The following SRGAP2B variants were observed in gnomAD, a reference collection of about 807,000 sequenced individuals.
SRGAP2B encodes SLIT-ROBO Rho GTPase activating protein 2B.
Under a neutral mutation model 22.2 loss-of-function variants are expected in SRGAP2B, and 9 were observed. The observed-to-expected ratio is 0.41, with a 90% CI of 0.24 to 0.71. The LOEUF (loss-of-function observed/expected upper bound fraction) is 0.71, where lower values mean the gene tolerates loss of function less well. Ranked by LOEUF, SRGAP2B falls within the 30% of genes least tolerant of loss-of-function variation. The pLI, the probability that SRGAP2B is intolerant of heterozygous loss-of-function variation, is 0.35. For synonymous variants in SRGAP2B, 36 were observed against 87.4 expected (o/e 0.41, Z 3.28); for missense variants, 114 against 235.8 (o/e 0.48, Z 3.38).
At chr1:145,068,128 G>A (rs1344465815) in intron 2 of SRGAP2B, among the ~76,000 whole-genome samples, 4 of 57,862 alleles carry the variant, frequency 6.9e-5, no homozygotes, top group Non-Finnish European at 1.0e-4. Context: ...GCTTGAACCC[G>A]GGAGGTGGAG....
chr1:144,912,093 G>A (rs1240287583), intron 5 of SRGAP2B, among the ~76,000 whole-genome samples: 1 of 148,700 alleles, frequency 6.7e-6, no homozygotes, highest in Non-Finnish European at 1.5e-5. Flanking sequence ...TGGGACTACA[G>A]GCACCCGCCA....
At chr1:145,010,794 G>A (rs1247219938) in intron 2 of SRGAP2B, among the ~76,000 whole-genome samples, 1 of 148,336 alleles carries the variant, frequency 6.7e-6, no homozygotes, top group Admixed American at 6.7e-5. Flanking sequence ...CTACCTGCCT[G>A]CCCTGTCTCA....
At chr1:144,971,063 A>T (rs2102012138) in intron 3 of SRGAP2B, among the ~76,000 whole-genome samples, 1 of 150,726 alleles carries the variant, frequency 6.6e-6, no homozygotes, top group South Asian at 2.1e-4. Flanking sequence ...TACATCTCAA[A>T]ATTCCTTTTA....
exon 10 of SRGAP2B, chr1:144,891,543 T>C (rs1662111867): frequency 2.2e-5 from 1 of 44,478 alleles, no homozygotes; most frequent in African/African-American, 1.1e-4. Context: ...AGACCAGTAG[T>C]GACTTCCAAA....
At chr1:145,007,414 G>A (rs1671679091) in intron 2 of SRGAP2B, among the ~76,000 whole-genome samples, 2 of 150,842 alleles carry the variant, frequency 1.3e-5, no homozygotes, top group Non-Finnish European at 2.9e-5. Context: ...ACCAAATTAA[G>A]AATCCTCATT....
In SRGAP2B at chr1:144,975,655, G is replaced by A. The variant is rs1450477239; in HGVS notation, c.260+19353C>T. On this transcript the variant is annotated intron_variant, in intron 3 of 9. Transcript: ENST00000612199. ...CTTATACTCTCAAGCCACCACAGTC[G>A]TGAGCCAAATAAGCTTCTTTTCTTT... Among the ~76,000 whole-genome samples the A allele has an allele frequency of 4.1e-5, 6 of 147,266 alleles. 1 individual carries two copies. Among genetic ancestry groups the A allele is most frequent in the African/African-American group, 1.3e-4 (5 of 38,088 alleles).
intron 2 of SRGAP2B, among the ~76,000 whole-genome samples, chr1:145,089,078 A>G (rs1210878296): frequency 1.3e-5 from 2 of 151,478 alleles, no homozygotes; most frequent in Non-Finnish European, 2.9e-5. Flanking sequence ...CATAGGTTAT[A>G]CGTAAATACC....
chr1:144,956,212 T>A (rs1553610269), intron 3 of SRGAP2B, among the ~76,000 whole-genome samples: 1 of 146,322 alleles, frequency 6.8e-6, no homozygotes, highest in African/African-American at 2.6e-5. Context: ...CACAAATGTA[T>A]CCATTGTAGG....
intron 3 of SRGAP2B, among the ~76,000 whole-genome samples, chr1:144,985,525 C>A (rs1368989753): frequency 6.6e-6 from 1 of 151,280 alleles, no homozygotes; most frequent in East Asian, 1.9e-4. Context: ...AAACAAACAG[C>A]CAATGCATTA....
At chr1:144,909,182 C>T (rs1663217700) in intron 5 of SRGAP2B, among the ~76,000 whole-genome samples, 1 of 150,340 alleles carries the variant, frequency 6.7e-6, no homozygotes, top group East Asian at 1.9e-4. Flanking sequence ...GAGTCCTAAA[C>T]CAAAACCAGA....
At chr1:144,913,664 ATG>A (rs1416231518) in intron 5 of SRGAP2B, among the ~76,000 whole-genome samples, 1 of 101,424 alleles carries the variant, frequency 9.9e-6, no homozygotes, top group Non-Finnish European at 1.9e-5. Context: ...CCATGACAAA[ATG>A]GCCACACCTA....
chr1:145,079,918 T>TA (rs1652773202), intron 2 of SRGAP2B, among the ~76,000 whole-genome samples: 1 of 149,856 alleles, frequency 6.7e-6, no homozygotes, highest in Non-Finnish European at 1.5e-5. Context: ...ATCAACCCTA[T>TA]ACCAGTTCCA....
intron 3 of SRGAP2B, among the ~76,000 whole-genome samples, chr1:144,972,618 C>G (rs1348299512): frequency 1.6e-5 from 2 of 128,682 alleles, no homozygotes; most frequent in Non-Finnish European, 3.2e-5. Context: ...TGGACTGATG[C>G]CCAGGAATCT....
chr1:145,015,655 A>G (rs1474598202), intron 2 of SRGAP2B, among the ~76,000 whole-genome samples: 1 of 149,386 alleles, frequency 6.7e-6, no homozygotes, highest in East Asian at 2.0e-4. Flanking sequence ...TATGGGAAGA[A>G]GGCAGGAAAA....
intron 1 of SRGAP2B, among the ~76,000 whole-genome samples, chr1:145,094,064 G>A (rs1228410535): frequency 1.5e-5 from 2 of 131,522 alleles, no homozygotes; most frequent in African/African-American, 3.1e-5. Context: ...GGTCGGAGCC[G>A]GGAAAACCGG....
chr1:145,044,650 T>TAACAAA, intron 2 of SRGAP2B, among the ~76,000 whole-genome samples: 1 of 30,684 alleles, frequency 3.3e-5, no homozygotes, highest in South Asian at 1.8e-3. Context: ...AACCCCCTCC[T>TAACAAA]AAAAAAAAAA....
chr1:144,921,443 AC>A (rs1188437101), intron 4 of SRGAP2B, among the ~76,000 whole-genome samples: 1 of 138,604 alleles, frequency 7.2e-6, no homozygotes, highest in Non-Finnish European at 1.5e-5. Context: ...TTTTTAAAGA[AC>A]CCCTTGAGCT....
chr1:144,943,108 C>T (rs376509119), intron 4 of SRGAP2B, among the ~76,000 whole-genome samples: 44 of 130,602 alleles, frequency 3.4e-4, no homozygotes, highest in African/African-American at 1.1e-3. Context: ...ATATGGGATA[C>T]GGGCAGAAGC....
chr1:144,915,865 C>T (rs1273355951), intron 4 of SRGAP2B, among the ~76,000 whole-genome samples: 1 of 150,282 alleles, frequency 6.7e-6, no homozygotes, highest in African/African-American at 2.5e-5. Context: ...AGGGAAAGCC[C>T]TTGTTTTATC....
Sources: gnomAD v4.1 joint callset for allele counts (sites outside exome capture counted in the v4.1 genomes callset) on GRCh38, gnomAD v4.1.1 for gene constraint, MANE v1.5 for transcripts, NCBI Gene and HGNC (gene_info 2026-07-23, HGNC 2026-07-21) for gene names.